Variants in ST3GAL6 observed in about 807,000 individuals in gnomAD.
ST3GAL6 encodes type 2 lactosamine alpha-2,3-sialyltransferase.
In ST3GAL6, 31 loss-of-function variants were observed where a neutral mutation model predicts 40.5. The ratio of observed to expected loss-of-function variants is 0.77; its 90% confidence interval spans 0.58 to 1.03. The LOEUF (loss-of-function observed/expected upper bound fraction) is 1.03. Ranked by LOEUF, ST3GAL6 falls within the 50% of genes least tolerant of loss-of-function variation. The pLI is 0.00. For missense variants in ST3GAL6, 357 were observed against 393.2 expected (o/e 0.91, Z 0.78); for synonymous variants, 129 against 136.9 (o/e 0.94, Z 0.40).
At chr3:98,772,093 T>C (rs369711401) in intron 3 of ST3GAL6, 12 of 152,142 alleles carry the variant, frequency 7.9e-5, no homozygotes, top group South Asian at 4.2e-4. Flanking sequence ...AAAAAAGATA[T>C]CCTTTCCTTT....
intron 6 of ST3GAL6, among the ~76,000 whole-genome samples, chr3:98,786,681 A>AG (rs148706479): frequency 0.029 from 4,288 of 149,704 alleles, 133 homozygotes; most frequent in Admixed American, 0.068. Flanking sequence ...TTATGCAATC[A>AG]GGGTTTTTTT....
At chr3:98,759,160 C>A (rs1446549103), upstream of ST3GAL6, among the ~76,000 whole-genome samples, 1 of 152,134 alleles carries the variant, frequency 6.6e-6, no homozygotes, top group African/African-American at 2.4e-5. Flanking sequence ...GATTTTATGC[C>A]AAGTACAGCG....
In ST3GAL6 at chr3:98,748,557, C is replaced by T. The variant is rs183697879; in HGVS notation, c.-12+16025C>T. Among the ~76,000 whole-genome samples the T allele has an allele frequency of 9.2e-5, 14 of 152,266 alleles. No individual in the cohort carries two copies. In the East Asian group the frequency reaches 9.6e-4, roughly 10 times the overall value. On this transcript the variant is annotated intron_variant, in intron 1 of 9. Coordinates refer to the ST3GAL6 transcript ENST00000265261. Reference sequence around the variant, plus strand: ...CTCAGCTCACTGCAACCTCCGCCTCCGGGTTTAAGCGTTTCTCTTGCCTCA... The same window carrying T: ...CTCAGCTCACTGCAACCTCCGCCTCTGGGTTTAAGCGTTTCTCTTGCCTCA...
chr3:98,752,819 A>G (rs1937121304), intron 1 of ST3GAL6, among the ~76,000 whole-genome samples: 1 of 152,202 alleles, frequency 6.6e-6, no homozygotes, highest in Non-Finnish European at 1.5e-5. Context: ...GGACACCACA[A>G]ACTACACCAC....
At chr3:98,752,943 C>A (rs1425692521) in intron 1 of ST3GAL6, among the ~76,000 whole-genome samples, 2 of 152,154 alleles carry the variant, frequency 1.3e-5, no homozygotes, top group African/African-American at 4.8e-5. Flanking sequence ...TGAGACACAA[C>A]AATATTGAAA....
intron 2 of ST3GAL6, among the ~76,000 whole-genome samples, chr3:98,769,611 T>TCAG (rs371484597): frequency 2.0e-5 from 3 of 152,322 alleles, no homozygotes; most frequent in African/African-American, 7.2e-5. Flanking sequence ...AGGATCTAAA[T>TCAG]CAGCAGTCTT....
chr3:98,732,482 G>C, exon 1 of ST3GAL6: 1 of 188,968 alleles, frequency 5.3e-6, no homozygotes. Context: ...GTGATTTTCC[G>C]GTCCCGGCGC....
At chr3:98,733,848 G>A (rs1935284509) in intron 1 of ST3GAL6, among the ~76,000 whole-genome samples, 1 of 152,204 alleles carries the variant, frequency 6.6e-6, no homozygotes. Context: ...GGGAGAAGAG[G>A]TTGCTGTTGA....
chr3:98,735,921 A>T (rs1006281182), intron 1 of ST3GAL6, among the ~76,000 whole-genome samples: 3 of 152,196 alleles, frequency 2.0e-5, no homozygotes, highest in Non-Finnish European at 4.4e-5. Context: ...ACACCTCAGC[A>T]CTGAATCAGC....
intron 1 of ST3GAL6, among the ~76,000 whole-genome samples, chr3:98,741,111 A>G (rs944858193): frequency 2.0e-5 from 3 of 148,008 alleles, no homozygotes; most frequent in African/African-American, 7.6e-5. Context: ...TATGCTTTCA[A>G]GTGGAGTTAG....
At chr3:98,791,127 AT>A (rs886065772) in intron 8 of ST3GAL6, among the ~76,000 whole-genome samples, 16 of 152,214 alleles carry the variant, frequency 1.1e-4, no homozygotes, top group African/African-American at 3.9e-4. Context: ...CTCAGTGAGA[AT>A]TACAATTTCT....
upstream of ST3GAL6, among the ~76,000 whole-genome samples, chr3:98,759,393 G>T (rs1012719412): frequency 6.6e-6 from 1 of 152,150 alleles, no homozygotes; most frequent in Non-Finnish European, 1.5e-5. Flanking sequence ...ACTGAAAACC[G>T]TAGAGATCAG....
intron 1 of ST3GAL6, among the ~76,000 whole-genome samples, chr3:98,743,543 A>G (rs1287827621): frequency 6.6e-6 from 1 of 152,018 alleles, no homozygotes. Context: ...ATCTTCTCTA[A>G]TGTTTTGTAA....
In ST3GAL6 at chr3:98,788,430, G is replaced by A. The variant is rs1336004201; in HGVS notation, c.723G>A (p.Leu241=). ...TTATCAGAACAGCAGCTTATGAACT[G>A]CTTCATTTTCCAAAAGTGTTTCCCA... ...PFIIRTAAYE[L]LHFPKVFPKN... The change falls in exon 8 of 10, where the codon CTG becomes CTA. Residue 241 remains leucine (L), a synonymous_variant. Transcript: ENST00000483910. 2.5e-6 allele frequency: 4 copies of A among 1,609,980 alleles called. No homozygotes were observed. Among genetic ancestry groups the A allele is most frequent in the East Asian group, 4.5e-5 (2 of 44,858 alleles).
chr3:98,791,455 T>A (rs1204056630), intron 8 of ST3GAL6, among the ~76,000 whole-genome samples: 1 of 152,222 alleles, frequency 6.6e-6, no homozygotes, highest in African/African-American at 2.4e-5. Flanking sequence ...TTATATTTCA[T>A]ACACGTGTTC....
intron 1 of ST3GAL6, chr3:98,732,850 G>A: frequency 6.6e-7 from 1 of 1,508,870 alleles, no homozygotes; most frequent in East Asian, 2.6e-5. Flanking sequence ...CCGGCCTCGG[G>A]CTTCTGCGGC....
chr3:98,765,220 T>C (rs1482221257), intron 1 of ST3GAL6, among the ~76,000 whole-genome samples: 2 of 152,204 alleles, frequency 1.3e-5, no homozygotes, highest in Non-Finnish European at 2.9e-5. Flanking sequence ...TGGAACACCA[T>C]TAGGAATTTT....
chr3:98,767,480 T>C lies in ST3GAL6; in HGVS notation c.-11-950T>C, dbSNP rs1432091004. Among the ~76,000 whole-genome samples, 4 of 152,156 alleles carry C rather than the reference T, an allele frequency of 2.6e-5. No homozygotes were observed. The East Asian group carries it at 7.7e-4, about 29-fold the overall frequency. Reference sequence around the variant, plus strand: ...TCGCCATGATTGAGGTTAATAGGCATGGATAGGAGTGAAAGGAGTGGCACA... The same window carrying C: ...TCGCCATGATTGAGGTTAATAGGCACGGATAGGAGTGAAAGGAGTGGCACA... On this transcript the variant is annotated intron_variant, in intron 1 of 9. Transcript: ENST00000483910.
At chr3:98,791,789 G>A (rs777750716) in intron 8 of ST3GAL6, 52 bp from the exon 9 acceptor site, 30 of 1,531,058 alleles carry the variant, frequency 2.0e-5, no homozygotes, top group Non-Finnish European at 2.7e-5. Flanking sequence ...ATATGCTTTG[G>A]TAACAAGTAG....
Sources: allele counts gnomAD v4.1 joint callset (sites outside exome capture counted in the v4.1 genomes callset), GRCh38; gene constraint gnomAD v4.1.1; transcripts MANE v1.5; gene names NCBI Gene and HGNC (gene_info 2026-07-23, HGNC 2026-07-21).